The following TTBK1 variants were observed in gnomAD, a reference collection of about 807,000 sequenced individuals.
The protein encoded by TTBK1 is tau tubulin kinase 1.
TTBK1 carries 34 observed loss-of-function variants against 108.5 expected under a neutral mutation model. That is an observed-to-expected ratio of 0.31 (90% CI 0.24 to 0.42). The LOEUF (loss-of-function observed/expected upper bound fraction) is 0.42, where lower values mean the gene tolerates loss of function less well. TTBK1 is among the 10% of genes least tolerant of loss of function. The pLI, the probability that TTBK1 is intolerant of heterozygous loss-of-function variation, is 1.00. For synonymous variants in TTBK1, 809 were observed against 795.1 expected, an observed-to-expected ratio of 1.02 and a Z score of -0.29; for missense variants, 1,539 against 1,826.0, an observed-to-expected ratio of 0.84 and a Z score of 2.86.
In TTBK1 at chr6:43,253,229, C is replaced by T. The variant is rs1454817264; in HGVS notation, c.257-62C>T. 1.8e-5 allele frequency: 29 copies of T among 1,579,174 alleles called. No homozygotes were observed. Among genetic ancestry groups the T allele is most frequent in the Middle Eastern group, 1.7e-4 (1 of 6,040 alleles). ...AATCAAGAGTGCACTAGGAACCCAT[C>T]TTAGGGTTGGAAATGAGGAAGAAAG... On this transcript the variant is annotated intron_variant, in intron 3 of 14. Coordinates refer to ENST00000259750, the MANE Select transcript of TTBK1 (RefSeq NM_032538.3). The surrounding 1 kb of genome is among the most constrained non-coding windows in gnomAD (Gnocchi z 5.8).
At chr6:43,261,854 A>C (rs1777549033) in intron 12 of TTBK1, among the ~76,000 whole-genome samples, 1 of 151,766 alleles carries the variant, frequency 6.6e-6, no homozygotes, top group Non-Finnish European at 1.5e-5. Context: ...AGATGTCCCA[A>C]GGCAGGATCA....
At chr6:43,254,779 C>A in intron 6 of TTBK1, 128 bp downstream of exon 6, 1 of 845,778 alleles carries the variant, frequency 1.2e-6, no homozygotes, top group Non-Finnish European at 1.8e-6. Context: ...CAGCGCCACC[C>A]AGCTCTGGGT....
At chr6:43,277,512 G>C (rs1369036799) in intron 13 of TTBK1, among the ~76,000 whole-genome samples, 2 of 152,246 alleles carry the variant, frequency 1.3e-5, no homozygotes, top group Non-Finnish European at 2.9e-5. Flanking sequence ...GGGGCATTTA[G>C]AAGACGCCCC....
At chr6:43,245,670 GT>G (rs757147254) in intron 1 of TTBK1, among the ~76,000 whole-genome samples, 55 of 152,034 alleles carry the variant, frequency 3.6e-4, no homozygotes, top group Non-Finnish European at 6.8e-4. Flanking sequence ...AACCCCCGCC[GT>G]TGGGAAACTC....
At position 43,265,169 on chromosome 6, in the gene TTBK1, C is replaced by A. The variant is rs1777642833; in HGVS notation, c.1986+1819C>A. 6.6e-6 allele frequency among the ~76,000 whole-genome samples: 1 copy of A among 152,172 alleles called. No individual in the cohort carries two copies. Among genetic ancestry groups the A allele is most frequent in the African/African-American group, 2.4e-5 (1 of 41,428 alleles). On this transcript the variant is annotated intron_variant, in intron 13 of 14. Transcript: ENST00000259750. This position sits in a 1 kb window ranked among gnomAD's most constrained non-coding sequence, Gnocchi z 4.1. ...TGCCGGAAGGGGCTCAGGGGCTGTG[C>A]CGCGTTCCACATAGTGGTCCCACAT...
intron 6 of TTBK1, 74 bp from the exon 7 acceptor site, chr6:43,254,975 C>G (rs1777346438): frequency 6.9e-7 from 1 of 1,443,702 alleles, no homozygotes; most frequent in Non-Finnish European, 9.7e-7. Context: ...AAGAGTTAGA[C>G]TTGGTGGCAG....
Position 43,284,140 on chromosome 6 carries a change from C to T in TTBK1, c.3400C>T (p.Pro1134Ser). Residue 1134 changes from proline (P) to serine (S), a missense_variant, in exon 14 of 15, where the codon CCC becomes TCC. Physicochemically the swap from Pro to Ser is moderately conservative, Grantham distance 74. Transcript: ENST00000259750. ...LSGTGSEEDT[P>S]ASEPAAALPR... ...AGGCACGGGCTCTGAGGAGGACACG[C>T]CCGCCTCTGAGCCGGCAGCGGCCTT... 1.9e-6 allele frequency: 3 copies of T among 1,543,202 alleles called. No individual in the cohort carries two copies. Among genetic ancestry groups the T allele is most frequent in the Non-Finnish European group, 2.6e-6 (3 of 1,150,420 alleles).
Position 43,283,990 on chromosome 6 carries a change from C to A in TTBK1, c.3250C>A (p.Arg1084=), listed in dbSNP as rs200236982. ...CAAAGAGCGGTGGAGCAAGCGGGCT[C>A]GGCCGCAGCAGGACCTGGCGCGGCT... ...SAKERWSKRA[R]PQQDLARLVM... is the part of the protein sequence containing the mutation. The change falls in exon 14 of 15, where the codon CGG becomes AGG. Residue 1084 remains arginine, a synonymous_variant. Coordinates refer to ENST00000259750, the MANE Select transcript of TTBK1 (RefSeq NM_032538.3). This position sits in a 1 kb window ranked among gnomAD's most constrained non-coding sequence, Gnocchi z 8.1. 18 of 1,605,302 alleles carry A rather than the reference C, an allele frequency of 1.1e-5. No individual in the cohort carries two copies. The highest frequency in any genetic ancestry group is 4.0e-5 in the African/African-American group (3 of 74,710).
In TTBK1 at chr6:43,276,605, G is replaced by A. The variant is rs1264005901; in HGVS notation, c.1987-6122G>A. Among the ~76,000 whole-genome samples the A allele has an allele frequency of 6.6e-6, 1 of 152,246 alleles. No homozygotes were observed. Among genetic ancestry groups the A allele is most frequent in the Non-Finnish European group, 1.5e-5 (1 of 68,046 alleles). ...CCTTTTTAAGTCCCTGTATGTTAAT[G>A]CAGACAATCCGGAGAGCTTGTGTAC... On this transcript the variant is annotated intron_variant, in intron 13 of 14. Coordinates refer to ENST00000259750, the MANE Select transcript of TTBK1 (RefSeq NM_032538.3). This position sits in a 1 kb window ranked among gnomAD's most constrained non-coding sequence, Gnocchi z 5.4.
chr6:43,275,932 T>C (rs1322185333), intron 13 of TTBK1, among the ~76,000 whole-genome samples: 2 of 152,176 alleles, frequency 1.3e-5, no homozygotes, highest in East Asian at 3.9e-4. Flanking sequence ...GTTCTCAGTG[T>C]CGAGCGAGGA....
intron 12 of TTBK1, among the ~76,000 whole-genome samples, chr6:43,260,559 C>T (rs990043217): frequency 3.3e-5 from 5 of 152,184 alleles, no homozygotes; most frequent in African/African-American, 7.2e-5. Flanking sequence ...GGTTGGCTTA[C>T]GTAGGACTGA....
rs1196425446 is a variant in TTBK1 at position 43,255,718 on chromosome 6, C to T, written c.736-13C>T. On this transcript the variant is annotated splice_polypyrimidine_tract_variant and intron_variant, in intron 8 of 14. Transcript: ENST00000259750. ...AGCTGGGACTCCATCTCCCTGTGGC[C>T]TCTTGCCTCCAGGAACAGGTAGGGA... 1.9e-6 allele frequency: 3 copies of T among 1,614,126 alleles called. No homozygotes were observed. Among genetic ancestry groups the T allele is most frequent in the East Asian group, 4.5e-5 (2 of 44,880 alleles).
chr6:43,282,697 T>C lies in TTBK1; in HGVS notation c.1987-30T>C, dbSNP rs1448897994. 3.8e-6 allele frequency: 6 copies of C among 1,558,978 alleles called. No individual in the cohort carries two copies. The highest frequency in any genetic ancestry group is 5.2e-6 in the Non-Finnish European group (6 of 1,151,240). On this transcript the variant is annotated intron_variant, in intron 13 of 14. Transcript: ENST00000259750. The surrounding 1 kb of genome is among the most constrained non-coding windows in gnomAD (Gnocchi z 5.4). ...CCTGGGCCCAGGAGGGTGGGTGACC[T>C]CAGAGGGTCCCTGTGTATGCCCCTT...
At chr6:43,275,417 G>C (rs1473593194) in intron 13 of TTBK1, among the ~76,000 whole-genome samples, 1 of 152,122 alleles carries the variant, frequency 6.6e-6, no homozygotes, top group Admixed American at 6.5e-5. Context: ...CTGCTGGCTG[G>C]CGGCCTTTGG....
rs887607706 is a variant in TTBK1 at position 43,285,599 on chromosome 6, C to T, written c.*223C>T. The T allele has an allele frequency of 7.2e-6, 3 of 413,882 alleles. No individual in the cohort carries two copies. Among genetic ancestry groups the T allele is most frequent in the Non-Finnish European group, 7.8e-6 (2 of 257,578 alleles). 25.6% of individuals were successfully genotyped at this position (413,882 alleles called of 1,614,324 possible). A position where few individuals can be genotyped will look rare whatever the true frequency, so the allele number is the denominator to read the frequency against. On this transcript the variant is annotated 3_prime_UTR_variant, in exon 15 of 15. Transcript: ENST00000259750. The surrounding 1 kb of genome is among the most constrained non-coding windows in gnomAD (Gnocchi z 4.7). ...GGCCCCGCGCCGCGGGGAGGGTCTG[C>T]CTCCCCTTCCTCGCCCTGTGTCCTC...
intron 13 of TTBK1, chr6:43,272,124 C>A: frequency 1.0e-6 from 1 of 985,474 alleles, no homozygotes; most frequent in Non-Finnish European, 1.2e-6. Context: ...CCATCCACCC[C>A]AGGTAGTGGC....
intron 14 of TTBK1, 100 bp from the exon 15 acceptor site, chr6:43,284,883 G>A: frequency 7.2e-7 from 1 of 1,396,332 alleles, no homozygotes; most frequent in Non-Finnish European, 9.3e-7. Context: ...CTCTGAGGAT[G>A]CCGGACTCCA....
rs965285942 is a variant in TTBK1, at chr6:43,282,857, G to A, written c.2117G>A (p.Arg706Gln). ...RERARLLNRV[R>Q]RVGFSHMLLT... ...CGGGCGCGGTTGCTCAACAGGGTCC[G>A]GAGGGTGGGCTTCTCGCACATGCTG... Residue 706 changes from arginine to glutamine, a missense_variant, in exon 14 of 15, where the codon CGG (arginine) becomes CAG (glutamine). Arg to Gln is a conservative substitution (Grantham distance 43). This residue lies in a region of TTBK1 where 1,055 missense variants were observed against 1,086.5 expected (regional missense o/e 0.97). Transcript: ENST00000259750. The surrounding 1 kb of genome is among the most constrained non-coding windows in gnomAD (Gnocchi z 5.4). The A allele has an allele frequency of 3.1e-6, 5 of 1,614,000 alleles. No homozygotes were observed. Among genetic ancestry groups the A allele is most frequent in the South Asian group, 1.1e-5 (1 of 91,048 alleles).
At chr6:43,271,198 G>T (rs1208251749) in intron 13 of TTBK1, 1 of 985,362 alleles carries the variant, frequency 1.0e-6, no homozygotes, top group Non-Finnish European at 1.2e-6. Context: ...GAGGGGAGGA[G>T]GCCCAAAGAT....
Sources: allele counts gnomAD v4.1 joint callset (sites outside exome capture counted in the v4.1 genomes callset), GRCh38; gene constraint gnomAD v4.1.1; regional missense constraint gnomAD v4.1.1; non-coding constraint Gnocchi (gnomAD v3.1); transcripts MANE v1.5; gene names NCBI Gene and HGNC (gene_info 2026-07-23, HGNC 2026-07-21).